VIRMA: variants seen among roughly 807,000 people sequenced by gnomAD.
VIRMA encodes vir like m6A methyltransferase associated, also known as protein virilizer homolog.
VIRMA carries 65 observed loss-of-function variants against 182.4 expected under a neutral mutation model. The observed-to-expected ratio is 0.36, with a 90% CI of 0.29 to 0.44. The LOEUF (loss-of-function observed/expected upper bound fraction) is 0.44, where lower values mean the gene tolerates loss of function less well. Ranked by LOEUF, VIRMA falls within the 20% of genes least tolerant of loss-of-function variation. The pLI is 1.00. For missense variants in VIRMA, 1,752 were observed against 2,158.1 expected (o/e 0.81, Z 3.73); for synonymous variants, 709 against 743.1 (o/e 0.95, Z 0.75).
chr8:94,525,700 A>G (rs941241859), intron 8 of VIRMA, among the ~76,000 whole-genome samples: 26 of 152,366 alleles, frequency 1.7e-4, no homozygotes, highest in African/African-American at 5.8e-4. Context: ...TAAAAAATCT[A>G]CTAGGGATGC....
intron 17 of VIRMA, 173 bp downstream of exon 17, chr8:94,499,201 A>G: frequency 2.4e-6 from 1 of 422,574 alleles, no homozygotes. Flanking sequence ...GGGTCTCACT[A>G]TTTTGCCCAG....
chr8:94,526,489 T>G lies in VIRMA; in HGVS notation c.1755A>C (p.Glu585Asp). ...EKTSSLPNHS[E>D]PDHDTDAGLE... ...GTCCAGCATCTGTGTCGTGATCAGG[T>G]TCACTGTGGTTAGGAAGAGATGAAG... is the stretch of plus-strand genomic sequence containing the variant. The change falls in exon 8 of 24, where the codon GAA (glutamate) becomes GAC (aspartate). Residue 585 changes from glutamate to aspartate, a missense_variant. Transcript: ENST00000297591. 6.2e-7 allele frequency: 1 copy of G among 1,613,738 alleles called. No homozygotes were observed. The highest frequency in any genetic ancestry group is 8.5e-7 in the Non-Finnish European group (1 of 1,179,936).
Position 94,514,937 on chromosome 8 carries a change from G to C in VIRMA, c.2683C>G (p.Leu895Val). 1 of 1,560,660 alleles carries C rather than the reference G, an allele frequency of 6.4e-7. No homozygotes were observed. Among genetic ancestry groups the C allele is most frequent in the Non-Finnish European group, 8.7e-7 (1 of 1,144,990 alleles). The change falls in exon 11 of 24, where the codon CTT becomes GTT. Residue 895 changes from leucine to valine, a missense_variant. This residue lies in a region of VIRMA where 777 missense variants were observed against 920.6 expected (regional missense o/e 0.84). Coordinates refer to ENST00000297591, the MANE Select transcript of VIRMA (RefSeq NM_015496.5). ...NAKLQELGKW[L>V]EPLKNLRFEI... ...AATCTAAGGTTTTTCAGAGGTTCAA[G>C]CCACTTGCCAAGTTCTTAAAAAGAA...
At chr8:94,536,116 C>T (rs1010550480) in intron 4 of VIRMA, among the ~76,000 whole-genome samples, 3 of 152,126 alleles carry the variant, frequency 2.0e-5, no homozygotes, top group Non-Finnish European at 4.4e-5. Flanking sequence ...TTACCGGGGC[C>T]CCTTCTGGAG....
intron 15 of VIRMA, 105 bp downstream of exon 15, chr8:94,509,583 A>C (rs1304762213): frequency 2.6e-6 from 3 of 1,138,718 alleles, no homozygotes; most frequent in Non-Finnish European, 2.5e-6. Flanking sequence ...CATAGATGAC[A>C]GCTGTTCATT....
rs1454514366 is a variant in VIRMA at position 94,510,576 on chromosome 8, T to G, written c.3467A>C (p.Lys1156Thr). 2 of 1,614,034 alleles carry G rather than the reference T, an allele frequency of 1.2e-6. No individual in the cohort carries two copies. Among genetic ancestry groups the G allele is most frequent in the African/African-American group, 1.3e-5 (1 of 74,944 alleles). Reference protein sequence around the residue: ...LWSMHLHVQAKLLQEIVRSFS... With the variant: ...LWSMHLHVQATLLQEIVRSFS... ...AGAGCGAACTATTTCTTGGAGCAAC[T>G]TTGCTTGAACATGAAGGTGCATGCT... The change falls in exon 14 of 24, where the codon AAG (lysine) becomes ACG (threonine). Residue 1156 changes from lysine (K) to threonine (T), a missense_variant. This residue lies in a region of VIRMA where 777 missense variants were observed against 920.6 expected (regional missense o/e 0.84). Coordinates refer to ENST00000297591, the MANE Select transcript of VIRMA (RefSeq NM_015496.5).
In VIRMA at chr8:94,510,348, T is replaced by C. The variant is rs954834568; in HGVS notation, c.3626+69A>G. 1.9e-5 allele frequency: 25 copies of C among 1,292,460 alleles called. No individual in the cohort carries two copies. In the Admixed American group the frequency reaches 2.6e-4, roughly 14 times the overall value. 80.1% of individuals were successfully genotyped at this position (1,292,460 alleles called of 1,614,324 possible). ...GGCATTCCAAACCCTAGTTTCCAAA[T>C]TGTAAGGGAAAAAATATATGTGTCA... On this transcript the variant is annotated intron_variant, in intron 14 of 23. Transcript: ENST00000297591.
intron 17 of VIRMA, chr8:94,497,105 T>C (rs2130268187): frequency 6.6e-6 from 1 of 152,338 alleles, no homozygotes; most frequent in African/African-American, 2.4e-5. Context: ...AGCCTTGTTT[T>C]TTTGTTGCTG....
chr8:94,528,079 C>A (rs1210355579), intron 7 of VIRMA, among the ~76,000 whole-genome samples: 1 of 151,712 alleles, frequency 6.6e-6, no homozygotes. Context: ...ACTAAAAATA[C>A]AAAAATTACC....
chr8:94,536,433 A>G (rs1402912249), intron 4 of VIRMA, among the ~76,000 whole-genome samples: 1 of 152,242 alleles, frequency 6.6e-6, no homozygotes, highest in Admixed American at 6.5e-5. Context: ...AAAAAGGCAT[A>G]TTTTTGATAA....
At chr8:94,496,783 G>C in intron 17 of VIRMA, 1 of 230,196 alleles carries the variant, frequency 4.3e-6, no homozygotes, top group Non-Finnish European at 8.3e-6. Context: ...TGATGCTCAA[G>C]AATTAATAAA....
At chr8:94,533,344 A>C (rs764346428) in intron 5 of VIRMA, among the ~76,000 whole-genome samples, 2 of 152,226 alleles carry the variant, frequency 1.3e-5, no homozygotes, top group Non-Finnish European at 2.9e-5. Flanking sequence ...ATTTATAGTC[A>C]CAAACATGCT....
chr8:94,520,071 C>T (rs1174982253), intron 8 of VIRMA, among the ~76,000 whole-genome samples: 35 of 149,670 alleles, frequency 2.3e-4, no homozygotes, highest in Admixed American at 2.1e-3. Flanking sequence ...ATTAGCCAGG[C>T]GTGGTGGCGC....
intron 20 of VIRMA, among the ~76,000 whole-genome samples, chr8:94,493,166 C>A (rs1813660535): frequency 6.6e-6 from 1 of 152,178 alleles, no homozygotes; most frequent in African/African-American, 2.4e-5. Context: ...AAATAACATA[C>A]TCTGCCAGCC....
In VIRMA at chr8:94,527,057, C is replaced by T. The variant is rs543086301; in HGVS notation, c.1187G>A (p.Arg396Lys). ...TELLDLYRED[R>K]GAKWVTALEE... is the part of the protein sequence containing the mutation. Reference sequence around the variant, plus strand: ...TAAAGCTGTTACCCATTTTGCACCTCTATCTTCTCTATACAAATCTAAGAG... The same window carrying T: ...TAAAGCTGTTACCCATTTTGCACCTTTATCTTCTCTATACAAATCTAAGAG... The change falls in exon 8 of 24, where the codon AGA (arginine) becomes AAA (lysine). Residue 396 changes from arginine to lysine, a missense_variant. Physicochemically the swap from Arg to Lys is conservative, Grantham distance 26 (BLOSUM62 2). Coordinates refer to ENST00000297591, the MANE Select transcript of VIRMA (RefSeq NM_015496.5). The T allele has an allele frequency of 4.4e-5, 71 of 1,614,204 alleles. No homozygotes were observed. The South Asian group carries it at 6.7e-4, about 15-fold the overall frequency.
intron 16 of VIRMA, among the ~76,000 whole-genome samples, chr8:94,505,569 A>T (rs185353617): frequency 1.1e-4 from 17 of 151,836 alleles, no homozygotes; most frequent in Non-Finnish European, 2.1e-4. Flanking sequence ...TGCAGCCTTG[A>T]CCTCCCAGGC....
At position 94,519,464 on chromosome 8, in the gene VIRMA, A is replaced by C; in HGVS notation, c.2034T>G (p.Ser678Arg). 1 of 1,523,490 alleles carries C rather than the reference A, an allele frequency of 6.6e-7. No homozygotes were observed. The highest frequency in any genetic ancestry group is 8.8e-7 in the Non-Finnish European group (1 of 1,139,698). 94.4% of individuals were successfully genotyped at this position (1,523,490 alleles called of 1,614,324 possible). A position where few individuals can be genotyped will look rare whatever the true frequency, so the allele number is the denominator to read the frequency against. Residue 678 changes from serine to arginine, a missense_variant, in exon 9 of 24, where the codon AGT becomes AGG. By Grantham distance (110) the Ser-to-Arg change is moderately radical. This residue lies in a region of VIRMA where 401 missense variants were observed against 455.1 expected (regional missense o/e 0.88). Coordinates refer to ENST00000297591, the MANE Select transcript of VIRMA (RefSeq NM_015496.5). Reference protein sequence around the residue: ...PYPVLFRYLHSHHFLELVTLL... With the variant: ...PYPVLFRYLHRHHFLELVTLL... ...AGGTAACCAACTCCAAGAAGTGATG[A>C]CTGTGAAGATATCTGTGGAAGAGTT...
chr8:94,499,240 A>T, intron 17 of VIRMA, 134 bp downstream of exon 17: 1 of 534,696 alleles, frequency 1.9e-6, no homozygotes, highest in East Asian at 3.3e-5. Context: ...GCCCCAAGAG[A>T]TCCTCCCACC....
intron 13 of VIRMA, chr8:94,510,977 C>G (rs1316486635): frequency 2.3e-5 from 32 of 1,375,912 alleles, no homozygotes; most frequent in Non-Finnish European, 3.0e-5. Context: ...CAAAATAAAA[C>G]TCACTTTAAC....
Sources: allele counts gnomAD v4.1 joint callset (sites outside exome capture counted in the v4.1 genomes callset), GRCh38; gene constraint gnomAD v4.1.1; regional missense constraint gnomAD v4.1.1; transcripts MANE v1.5; gene names NCBI Gene and HGNC (gene_info 2026-07-23, HGNC 2026-07-21).